The following NDRG3 variants were observed in gnomAD, a reference collection of about 807,000 sequenced individuals.
NDRG3 encodes protein NDRG3.
NDRG3 carries 23 observed loss-of-function variants against 57.2 expected under a neutral mutation model. The observed-to-expected ratio is 0.40, with a 90% confidence interval of 0.29 to 0.57. NDRG3 has a LOEUF of 0.57. Among genes scored for constraint, NDRG3 ranks in the 20% least tolerant of loss-of-function variants. NDRG3 has a pLI of 0.42. For missense variants in NDRG3, 384 were observed against 457.3 expected, an observed-to-expected ratio of 0.84 and a Z score of 1.46; for synonymous variants, 132 against 162.6, an observed-to-expected ratio of 0.81 and a Z score of 1.43.
chr20:36,692,678 A>G lies in NDRG3; in HGVS notation c.94-3894T>C, dbSNP rs180916931. On this transcript the variant is annotated intron_variant, in intron 3 of 15. Coordinates refer to ENST00000349004, the MANE Select transcript of NDRG3 (RefSeq NM_032013.4). ...AGATATAATCTAAGGCTGGGGCCTT[A>G]GATTTCTGGTGCTAGCTGTATGTAT... 7.9e-5 allele frequency among the ~76,000 whole-genome samples: 12 copies of G among 152,264 alleles called. No homozygotes were observed. In the East Asian group the frequency reaches 2.3e-3, roughly 29 times the overall value.
intron 3 of NDRG3, among the ~76,000 whole-genome samples, chr20:36,689,790 G>A (rs1982111496): frequency 6.7e-6 from 1 of 150,120 alleles, no homozygotes; most frequent in Middle Eastern, 3.4e-3. Flanking sequence ...GCGCGATCTC[G>A]GCTCACTGCA....
intron 1 of NDRG3, among the ~76,000 whole-genome samples, chr20:36,724,953 A>C (rs970122802): frequency 4.0e-5 from 6 of 151,838 alleles, no homozygotes; most frequent in African/African-American, 7.2e-5. Flanking sequence ...AAAACAAAAC[A>C]AAACCAGCTT....
chr20:36,664,014 G>C (rs916506622), intron 12 of NDRG3, among the ~76,000 whole-genome samples: 2 of 152,010 alleles, frequency 1.3e-5, no homozygotes, highest in Non-Finnish European at 2.9e-5. Context: ...TGTTGGCCAG[G>C]CTGGTCTTGA....
intron 1 of NDRG3, among the ~76,000 whole-genome samples, chr20:36,733,748 A>G (rs1033491342): frequency 6.6e-6 from 1 of 151,904 alleles, no homozygotes; most frequent in Non-Finnish European, 1.5e-5. Context: ...GCAACAAACA[A>G]AGGGGGCATA....
chr20:36,658,140 A>AT (rs887929188), intron 13 of NDRG3, among the ~76,000 whole-genome samples: 21 of 151,874 alleles, frequency 1.4e-4, no homozygotes, highest in Non-Finnish European at 2.4e-4. Context: ...TTAAAAAAAA[A>AT]TTTTTTTTGA....
At chr20:36,658,100 G>A (rs946551355) in intron 13 of NDRG3, among the ~76,000 whole-genome samples, 2 of 152,048 alleles carry the variant, frequency 1.3e-5, no homozygotes, top group Admixed American at 6.6e-5. Flanking sequence ...ATTCAAACCT[G>A]AAATGAGAAA....
intron 1 of NDRG3, among the ~76,000 whole-genome samples, chr20:36,734,781 A>G (rs1197723452): frequency 6.6e-6 from 1 of 151,722 alleles, no homozygotes; most frequent in Non-Finnish European, 1.5e-5. Context: ...CAGCTGTGAC[A>G]GCCAAACATG....
At chr20:36,728,731 G>A (rs369732465) in intron 1 of NDRG3, among the ~76,000 whole-genome samples, 3 of 151,064 alleles carry the variant, frequency 2.0e-5, no homozygotes, top group African/African-American at 2.4e-5. Flanking sequence ...TGTTTTTTTG[G>A]GGGGGAGGTT....
chr20:36,738,683 T>G (rs372161209), intron 1 of NDRG3, among the ~76,000 whole-genome samples: 23 of 141,692 alleles, frequency 1.6e-4, no homozygotes, highest in South Asian at 1.1e-3. Flanking sequence ...ATTAGTCAGG[T>G]GTGGTGGCAT....
rs566034635 is a variant in NDRG3, at chr20:36,721,647, C to T, written c.57+32G>A. 6.7e-6 allele frequency: 9 copies of T among 1,341,860 alleles called. No individual in the cohort carries two copies. The African/African-American group carries it at 1.3e-4, about 20-fold the overall frequency. The allele number at this position is 1,341,860 out of a possible 1,614,324, so 83.1% of individuals were successfully genotyped here. A position where few individuals can be genotyped will look rare whatever the true frequency, so the allele number is the denominator to read the frequency against. On this transcript the variant is annotated intron_variant, in intron 2 of 15. Transcript: ENST00000349004. ...AATACTATCAGAAGAAAAGGCTTGT[C>T]CATATTTTAGTGAAAACAGAAAAGT... is the stretch of plus-strand genomic sequence containing the variant.
chr20:36,703,379 C>T (rs1363794121), intron 3 of NDRG3, among the ~76,000 whole-genome samples: 1 of 151,776 alleles, frequency 6.6e-6, no homozygotes, highest in Non-Finnish European at 1.5e-5. Flanking sequence ...ATATACTCAA[C>T]ATAGTGAGAC....
intron 1 of NDRG3, among the ~76,000 whole-genome samples, chr20:36,731,759 G>A (rs926447971): frequency 6.6e-6 from 1 of 151,402 alleles, no homozygotes; most frequent in African/African-American, 2.4e-5. Context: ...GCAGTGAGCC[G>A]AGATCGCACC....
Position 36,746,076 on chromosome 20 carries a change from AGCAGCG to A in NDRG3, c.-86_-81del, listed in dbSNP as rs1187452794. On this transcript the variant is annotated 5_prime_UTR_variant, in exon 1 of 16. Coordinates refer to ENST00000349004, the MANE Select transcript of NDRG3 (RefSeq NM_032013.4). ...CGCGGGCACCCGCCGTCAGTGCAGCAGCAGCGGCGGCGGCGGCGGCGGCGGCGGCGG... is the reference window on the plus strand; with the variant it reads ...CGCGGGCACCCGCCGTCAGTGCAGCAGCGGCGGCGGCGGCGGCGGCGGCGG... The A allele has an allele frequency of 1.3e-4, 38 of 291,750 alleles. No homozygotes were observed. Among genetic ancestry groups the A allele is most frequent in the South Asian group, 3.2e-4 (2 of 6,298 alleles). The allele number at this position is 291,750 out of a possible 1,614,324, so 18.1% of individuals were successfully genotyped here. A position where few individuals can be genotyped will look rare whatever the true frequency, so the allele number is the denominator to read the frequency against.
intron 2 of NDRG3, among the ~76,000 whole-genome samples, chr20:36,717,653 G>GAATT (rs111483313): frequency 0.07 from 10,588 of 152,182 alleles, 1,272 homozygotes; most frequent in African/African-American, 0.24. Flanking sequence ...GATATTCTGA[G>GAATT]AGAGAGAATG....
At chr20:36,670,618 A>G (rs190253925) in intron 9 of NDRG3, among the ~76,000 whole-genome samples, 1 of 152,330 alleles carries the variant, frequency 6.6e-6, no homozygotes, top group African/African-American at 2.4e-5. Flanking sequence ...CTTGGTTTGC[A>G]CATCTAAAGT....
At chr20:36,717,997 A>G (rs915468408) in intron 2 of NDRG3, among the ~76,000 whole-genome samples, 1 of 152,244 alleles carries the variant, frequency 6.6e-6, no homozygotes, top group African/African-American at 2.4e-5. Flanking sequence ...TACAGCAGGC[A>G]TTCTTTGATA....
At chr20:36,728,976 C>T (rs773186044) in intron 1 of NDRG3, among the ~76,000 whole-genome samples, 1 of 152,094 alleles carries the variant, frequency 6.6e-6, no homozygotes, top group African/African-American at 2.4e-5. Context: ...CCGACCTCAG[C>T]CTCCCAAAGC....
chr20:36,684,723 C>A (rs930505767), intron 5 of NDRG3, among the ~76,000 whole-genome samples: 20 of 152,046 alleles, frequency 1.3e-4, no homozygotes, highest in African/African-American at 4.6e-4. Context: ...GTAGCACATG[C>A]CTGTAATCCC....
intron 5 of NDRG3, among the ~76,000 whole-genome samples, chr20:36,686,040 G>A (rs976698438): frequency 6.6e-6 from 1 of 152,174 alleles, no homozygotes; most frequent in African/African-American, 2.4e-5. Flanking sequence ...TACAGAATTG[G>A]AGATGGAATT....
Sources: gnomAD v4.1 joint callset for allele counts (sites outside exome capture counted in the v4.1 genomes callset) on GRCh38, gnomAD v4.1.1 for gene constraint, MANE v1.5 for transcripts, NCBI Gene and HGNC (gene_info 2026-07-23, HGNC 2026-07-21) for gene names.